Variants in UACA observed in about 807,000 individuals in gnomAD.
UACA encodes the protein nuclear membrane binding protein.
A neutral mutation model predicts 160.5 loss-of-function variants in UACA; 112 were observed. The observed-to-expected ratio is 0.70, with a 90% CI of 0.60 to 0.82. The LOEUF is 0.82. Among genes scored for constraint, UACA ranks in the 40% least tolerant of loss-of-function variants. The pLI is 0.00. For missense variants in UACA, 1,574 were observed against 1,614.6 expected (o/e 0.97, Z 0.43); for synonymous variants, 557 against 568.4 (o/e 0.98, Z 0.29).
chr15:70,677,596 C>T (rs1897337537), intron 11 of UACA, among the ~76,000 whole-genome samples: 1 of 152,098 alleles, frequency 6.6e-6, no homozygotes, highest in Non-Finnish European at 1.5e-5. Flanking sequence ...TAAGATTTCA[C>T]CTGTGGTAAG....
the UACA span, among the ~76,000 whole-genome samples, chr15:70,770,657 C>T: frequency 2.0e-5 from 3 of 152,284 alleles, no homozygotes; most frequent in South Asian, 2.1e-4. Flanking sequence ...TCAAAACCCT[C>T]CCTGGACCTA....
intron 1 of UACA, among the ~76,000 whole-genome samples, chr15:70,750,971 CAAT>C (rs2030016806): frequency 6.6e-6 from 1 of 152,218 alleles, no homozygotes; most frequent in Admixed American, 6.5e-5. Flanking sequence ...GGTTATACAA[CAAT>C]GTGAATGTAT....
At chr15:70,691,470 T>G (rs1897932926) in intron 3 of UACA, 107 bp from the exon 4 acceptor site, 2 of 748,938 alleles carry the variant, frequency 2.7e-6, no homozygotes. Flanking sequence ...GACAACATAC[T>G]TAATCTGTAA....
At chr15:70,758,588 T>C (rs2141017979) in intron 1 of UACA, 1 of 152,282 alleles carries the variant, frequency 6.6e-6, no homozygotes, top group East Asian at 1.9e-4. Flanking sequence ...TAAAACAAAA[T>C]CATGTTTAAT....
chr15:70,703,234 T>C, intron 1 of UACA: 1 of 1,288,478 alleles, frequency 7.8e-7, no homozygotes, highest in Non-Finnish European at 1.0e-6. Flanking sequence ...ATGAGAATAA[T>C]TTACACTTCC....
intron 1 of UACA, among the ~76,000 whole-genome samples, chr15:70,737,652 G>A (rs1300021654): frequency 6.6e-6 from 1 of 152,142 alleles, no homozygotes; most frequent in African/African-American, 2.4e-5. Context: ...AGGCTGCAGT[G>A]AGCTGAGATC....
In UACA at chr15:70,677,096, A is replaced by G. The variant is rs1214637552; in HGVS notation, c.1032+12T>C. On this transcript the variant is annotated intron_variant, in intron 12 of 18. Transcript: ENST00000322954. The stretch of plus-strand genomic sequence containing the variant: ...AACAATTTTAATGGTTTAAAATAAA[A>G]TGTCACCCTACCTCGCTTTCCAGAT... The G allele has an allele frequency of 6.3e-7, 1 of 1,598,000 alleles. No homozygotes were observed. The highest frequency in any genetic ancestry group is 1.4e-5 in the African/African-American group (1 of 74,072).
upstream of UACA, among the ~76,000 whole-genome samples, chr15:70,764,367 C>T (rs996138912): frequency 6.6e-6 from 1 of 152,284 alleles, no homozygotes; most frequent in East Asian, 1.9e-4. Context: ...GAAGTTAAAT[C>T]ATCTTACCTA....
rs187595924 is a variant in UACA at position 70,723,914 on chromosome 15, G to A, written c.79-24254C>T. ...CCCAAAGTGCTGGGATTACAGGCGT[G>A]AGCCACCACGCCTGGCCTTGAACTT... On this transcript the variant is annotated intron_variant, in intron 1 of 18. Transcript: ENST00000322954. Among the ~76,000 whole-genome samples, 17 of 152,282 alleles carry A rather than the reference G, an allele frequency of 1.1e-4. No individual in the cohort carries two copies. The East Asian group carries it at 2.7e-3, about 24-fold the overall frequency.
At chr15:70,711,745 T>C (rs1898687974) in intron 1 of UACA, among the ~76,000 whole-genome samples, 1 of 152,034 alleles carries the variant, frequency 6.6e-6, no homozygotes, top group South Asian at 2.1e-4. Context: ...GATACATATA[T>C]AAACATGCAC....
upstream of UACA, among the ~76,000 whole-genome samples, chr15:70,767,251 AAAAAAC>A (rs1434876801): frequency 3.5e-5 from 5 of 143,590 alleles, no homozygotes; most frequent in African/African-American, 1.4e-4. Context: ...AAAAAAAAAA[AAAAAAC>A]AAAAAACAAA....
chr15:70,666,271 G>C (rs1001916737), intron 16 of UACA, among the ~76,000 whole-genome samples: 6 of 152,146 alleles, frequency 3.9e-5, no homozygotes, highest in Admixed American at 2.6e-4. Context: ...AGACTTTCTA[G>C]TCTGTAGAAA....
At chr15:70,698,952 C>T (rs1338031384) in intron 2 of UACA, among the ~76,000 whole-genome samples, 1 of 151,898 alleles carries the variant, frequency 6.6e-6, no homozygotes, top group African/African-American at 2.4e-5. Flanking sequence ...TCCTCAGTAA[C>T]AAAAAAACAA....
In UACA at chr15:70,690,526, A is replaced by T; in HGVS notation, c.367-15T>A. On this transcript the variant is annotated splice_polypyrimidine_tract_variant and intron_variant, in intron 4 of 18. Coordinates refer to ENST00000322954, the MANE Select transcript of UACA (RefSeq NM_018003.4). ...GGACAATTGTACTGTTAAAGTAAAG[A>T]AAACTTAGTAAAGTAGGAGAGTTTT... The T allele has an allele frequency of 6.2e-7, 1 of 1,603,694 alleles. No homozygotes were observed. The highest frequency in any genetic ancestry group is 8.5e-7 in the Non-Finnish European group (1 of 1,173,568).
chr15:70,703,197 T>C, intron 1 of UACA: 3 of 1,289,140 alleles, frequency 2.3e-6, no homozygotes, highest in Non-Finnish European at 3.0e-6. Context: ...TGTTGTTTTT[T>C]AACCATGTTC....
At chr15:70,700,241 C>CA (rs975418270) in intron 1 of UACA, among the ~76,000 whole-genome samples, 11 of 149,402 alleles carry the variant, frequency 7.4e-5, no homozygotes, top group African/African-American at 2.5e-4. Flanking sequence ...AAACTACCCC[C>CA]CCCCAACACA....
At chr15:70,718,341 T>C (rs1898889568) in intron 1 of UACA, among the ~76,000 whole-genome samples, 1 of 145,102 alleles carries the variant, frequency 6.9e-6, no homozygotes, top group Admixed American at 6.9e-5. Context: ...TGTGTGTGTG[T>C]GTGTGTGTGT....
intron 3 of UACA, 40 bp downstream of exon 3, chr15:70,694,977 T>C (rs1488268356): frequency 2.0e-6 from 3 of 1,494,364 alleles, no homozygotes; most frequent in Middle Eastern, 1.7e-4. Context: ...ATGTTTGTTT[T>C]CACTTTATGT....
rs1379562256 is a variant in UACA, at chr15:70,668,796, C to A, written c.1888G>T (p.Glu630Ter). Reference protein sequence around the residue: ...SAKLALSIPAEKFENMKSSLS... With the variant: ...SAKLALSIPA Reference sequence around the variant, plus strand: ...GAGCTCTTCATGTTTTCAAATTTTTCAGCTGGAATGGAAAGGGCCAACTTC... The same window carrying A: ...GAGCTCTTCATGTTTTCAAATTTTTAAGCTGGAATGGAAAGGGCCAACTTC... The change falls in exon 16 of 19, where the codon GAA becomes TAA. Residue 630 changes from glutamate (E) to a stop codon, truncating the protein, a stop_gained. Coordinates refer to ENST00000322954, the MANE Select transcript of UACA (RefSeq NM_018003.4). LOFTEE classifies it high-confidence loss of function. 1 of 1,613,868 alleles carries A rather than the reference C, an allele frequency of 6.2e-7. No individual in the cohort carries two copies.
Sources: gnomAD v4.1 joint callset for allele counts (sites outside exome capture counted in the v4.1 genomes callset) on GRCh38, gnomAD v4.1.1 for gene constraint, MANE v1.5 for transcripts, NCBI Gene and HGNC (gene_info 2026-07-23, HGNC 2026-07-21) for gene names.